PHF20: variants seen among roughly 807,000 people sequenced by gnomAD.
PHF20 encodes PHD finger protein 20.
Under a neutral mutation model 113.5 loss-of-function variants are expected in PHF20, and 23 were observed. The ratio of observed to expected loss-of-function variants is 0.20; its 90% CI spans 0.15 to 0.29. PHF20 has a LOEUF of 0.29. PHF20 is among the 10% of genes least tolerant of loss of function. The pLI is 1.00. For missense variants in PHF20, 943 were observed against 1,219.6 expected, an observed-to-expected ratio of 0.77 and a Z score of 3.38; for synonymous variants, 434 against 457.3, an observed-to-expected ratio of 0.95 and a Z score of 0.65.
intron 2 of PHF20, among the ~76,000 whole-genome samples, chr20:35,834,923 T>G (rs1348131746): frequency 6.6e-6 from 1 of 152,160 alleles, no homozygotes; most frequent in African/African-American, 2.4e-5. Flanking sequence ...TTTTGAACAT[T>G]TAAGTTGTAC....
At chr20:35,943,029 T>C (rs1473085915) in intron 17 of PHF20, among the ~76,000 whole-genome samples, 1 of 152,180 alleles carries the variant, frequency 6.6e-6, no homozygotes, top group Non-Finnish European at 1.5e-5. Context: ...TTCACTGTGT[T>C]AGCCAGGATG....
chr20:35,870,106 C>T (rs952844651), intron 7 of PHF20, among the ~76,000 whole-genome samples: 1 of 151,316 alleles, frequency 6.6e-6, no homozygotes, highest in African/African-American at 2.4e-5. Flanking sequence ...AGATTGAGAC[C>T]ATCTTGGCTA....
intron 9 of PHF20, among the ~76,000 whole-genome samples, chr20:35,889,205 G>A (rs1027628909): frequency 2.6e-5 from 4 of 151,072 alleles, no homozygotes; most frequent in African/African-American, 7.3e-5. Context: ...TAGTAGAGAC[G>A]GGGTTTTGTC....
intron 5 of PHF20, among the ~76,000 whole-genome samples, chr20:35,859,830 C>A (rs917229697): frequency 6.6e-6 from 1 of 152,146 alleles, no homozygotes; most frequent in South Asian, 2.1e-4. Context: ...CAGGCATGAG[C>A]CATTGCGCCT....
chr20:35,894,506 C>A (rs1007917723), intron 9 of PHF20, among the ~76,000 whole-genome samples: 2 of 152,212 alleles, frequency 1.3e-5, no homozygotes, highest in African/African-American at 2.4e-5. Flanking sequence ...CATACTGCCT[C>A]TGGCATGAGC....
At chr20:35,835,844 C>T (rs2042429971) in intron 2 of PHF20, among the ~76,000 whole-genome samples, 1 of 152,014 alleles carries the variant, frequency 6.6e-6, no homozygotes, top group Non-Finnish European at 1.5e-5. Flanking sequence ...GTGGGAGAAT[C>T]ACTTGAACCC....
At position 35,940,927 on chromosome 20, in the gene PHF20, A is replaced by G; in HGVS notation, c.2776A>G (p.Arg926Gly). ...EEAPARKLLD[R>G]GGEGLLSSQH... is the part of the protein sequence containing the mutation. ...AGCCCCTGCTCGGAAGCTGCTGGAC[A>G]GAGGTGGAGAGGGGCTGCTGAGCTC... The change falls in exon 17 of 18, where the codon AGA becomes GGA. Residue 926 changes from arginine to glycine, a missense_variant. Arg to Gly is a moderately radical substitution (Grantham distance 125). Around this residue, in one of 3 missense-constraint regions of PHF20, gnomAD observed 349 missense variants for 412.3 expected, o/e 0.85. Transcript: ENST00000374012. 2 of 1,614,196 alleles carry G rather than the reference A, an allele frequency of 1.2e-6. No individual in the cohort carries two copies. The highest frequency in any genetic ancestry group is 1.7e-6 in the Non-Finnish European group (2 of 1,180,018).
intron 15 of PHF20, among the ~76,000 whole-genome samples, chr20:35,932,963 T>C (rs2055789445): frequency 6.6e-6 from 1 of 152,244 alleles, no homozygotes; most frequent in African/African-American, 2.4e-5. Flanking sequence ...TTTTTGTGAC[T>C]GGCTTATTTC....
chr20:35,822,278 C>T (rs2042182189), intron 2 of PHF20, among the ~76,000 whole-genome samples: 1 of 151,994 alleles, frequency 6.6e-6, no homozygotes, highest in South Asian at 2.1e-4. Flanking sequence ...CCTAGCTGGG[C>T]ATGGTGGTGT....
At chr20:35,781,305 G>C (rs567680688) in intron 1 of PHF20, among the ~76,000 whole-genome samples, 1 of 151,786 alleles carries the variant, frequency 6.6e-6, no homozygotes, top group East Asian at 2.0e-4. Context: ...CACCACATCC[G>C]GCTAATTTTC....
intron 2 of PHF20, among the ~76,000 whole-genome samples, chr20:35,812,521 A>C (rs1172349365): frequency 1.3e-5 from 2 of 152,158 alleles, no homozygotes; most frequent in Non-Finnish European, 2.9e-5. Flanking sequence ...GTTTAGTCAC[A>C]TTGTTTTATC....
At chr20:35,814,986 A>T (rs1051262336) in intron 2 of PHF20, among the ~76,000 whole-genome samples, 3 of 152,018 alleles carry the variant, frequency 2.0e-5, no homozygotes, top group Non-Finnish European at 4.4e-5. Flanking sequence ...ACCTGAGGTC[A>T]GGAGTTTGAG....
intron 2 of PHF20, among the ~76,000 whole-genome samples, chr20:35,818,910 A>G (rs1340449638): frequency 6.6e-6 from 1 of 151,624 alleles, no homozygotes; most frequent in Non-Finnish European, 1.5e-5. Flanking sequence ...TAGAAGGGGT[A>G]ATCCTGCCTT....
At chr20:35,834,497 C>T (rs1294991025) in intron 2 of PHF20, among the ~76,000 whole-genome samples, 1 of 151,976 alleles carries the variant, frequency 6.6e-6, no homozygotes, top group Non-Finnish European at 1.5e-5. Context: ...GTGATCCGCC[C>T]GCCTCAGCCT....
At chr20:35,845,062 C>T (rs1196242289) in intron 3 of PHF20, among the ~76,000 whole-genome samples, 3 of 152,130 alleles carry the variant, frequency 2.0e-5, no homozygotes, top group Non-Finnish European at 4.4e-5. Flanking sequence ...TGGACCCTGG[C>T]TTGCCACTGA....
chr20:35,850,298 T>C (rs898960640), intron 4 of PHF20, among the ~76,000 whole-genome samples: 1 of 86,886 alleles, frequency 1.2e-5, no homozygotes, highest in East Asian at 3.8e-4. Flanking sequence ...CCCCCTCCGT[T>C]TTTTTTTTTT....
At chr20:35,887,825 AAAG>A (rs1399674428) in intron 9 of PHF20, 58 of 151,772 alleles carry the variant, frequency 3.8e-4, no homozygotes, top group African/African-American at 9.9e-4. Flanking sequence ...AAAAAAAAAA[AAAG>A]AAGAAGTTAC....
intron 1 of PHF20, among the ~76,000 whole-genome samples, chr20:35,775,890 G>T (rs892737334): frequency 1.3e-5 from 2 of 151,888 alleles, no homozygotes; most frequent in African/African-American, 4.8e-5. Flanking sequence ...ACGGCTTACT[G>T]CAGCCTCAAC....
intron 1 of PHF20, among the ~76,000 whole-genome samples, chr20:35,789,788 C>T (rs973507264): frequency 3.3e-5 from 5 of 150,936 alleles, no homozygotes; most frequent in Admixed American, 6.6e-5. Flanking sequence ...CCTCATGATC[C>T]GCCTGCCTGT....
Sources: allele counts gnomAD v4.1 joint callset (sites outside exome capture counted in the v4.1 genomes callset), GRCh38; gene constraint gnomAD v4.1.1; regional missense constraint gnomAD v4.1.1; transcripts MANE v1.5; gene names NCBI Gene and HGNC (gene_info 2026-07-23, HGNC 2026-07-21).